ZFHX3: variants seen among roughly 807,000 people sequenced by gnomAD.
ZFHX3 encodes the protein zinc finger homeobox protein 3.
In ZFHX3, 42 loss-of-function variants were observed where a neutral mutation model predicts 279.1. The observed-to-expected ratio is 0.15, with a 90% CI of 0.12 to 0.19. ZFHX3 has a LOEUF of 0.19. Among genes scored for constraint, ZFHX3 ranks in the 10% least tolerant of loss-of-function variants. The pLI, the probability that ZFHX3 is intolerant of heterozygous loss-of-function variation, is 1.00. For synonymous variants in ZFHX3, 2,293 were observed against 1,957.8 expected (o/e 1.17, Z -4.52); for missense variants, 4,981 against 4,754.0 (o/e 1.05, Z -1.40).
intron 1 of ZFHX3, among the ~76,000 whole-genome samples, chr16:73,680,554 G>T (rs1044246924): frequency 6.6e-6 from 1 of 152,054 alleles, no homozygotes; most frequent in South Asian, 2.1e-4. Context: ...AATATTAACC[G>T]GTTACATTTT....
chr16:73,185,355 C>T (rs1490174858), intron 5 of ZFHX3, among the ~76,000 whole-genome samples: 1 of 152,158 alleles, frequency 6.6e-6, no homozygotes, highest in African/African-American at 2.4e-5. Flanking sequence ...AAATGGCAAC[C>T]TGAGGTTCAG....
chr16:72,880,854 T>G (rs1312597171), intron 4 of ZFHX3, among the ~76,000 whole-genome samples: 1 of 152,144 alleles, frequency 6.6e-6, no homozygotes, highest in Non-Finnish European at 1.5e-5. Flanking sequence ...AAACACATCT[T>G]TACAAAGTCC....
chr16:73,057,548 A>AAAG (rs1555546154), intron 1 of ZFHX3, among the ~76,000 whole-genome samples: 2 of 149,674 alleles, frequency 1.3e-5, no homozygotes, highest in African/African-American at 2.5e-5. Context: ...AAAAAAAAAA[A>AAAG]AAGAAGAAGA....
intron 5 of ZFHX3, among the ~76,000 whole-genome samples, chr16:73,228,821 A>G (rs901733661): frequency 6.6e-5 from 10 of 152,192 alleles, no homozygotes; most frequent in African/African-American, 2.4e-4. Flanking sequence ...ATTTCTCATG[A>G]CAATGGAATC....
chr16:73,371,326 T>C (rs766148779), intron 3 of ZFHX3, among the ~76,000 whole-genome samples: 1 of 151,758 alleles, frequency 6.6e-6, no homozygotes, highest in African/African-American at 2.4e-5. Flanking sequence ...GACCTCATCA[T>C]TGAATTGTAG....
chr16:73,602,931 C>CT (rs1490158083), intron 2 of ZFHX3, among the ~76,000 whole-genome samples: 1 of 68,288 alleles, frequency 1.5e-5, no homozygotes, highest in Non-Finnish European at 3.2e-5. Context: ...CAGCGAGACT[C>CT]TGACTCAAAA....
intron 5 of ZFHX3, among the ~76,000 whole-genome samples, chr16:73,220,313 A>G (rs1372129659): frequency 1.3e-5 from 2 of 152,140 alleles, no homozygotes; most frequent in African/African-American, 2.4e-5. Context: ...ACTTTCATGC[A>G]ACAAATATGC....
chr16:73,062,004 G>A (rs1196666030), upstream of ZFHX3: 8 of 152,032 alleles, frequency 5.3e-5, no homozygotes, highest in East Asian at 1.3e-3. Flanking sequence ...ATAAGGAGGA[G>A]AGGTACCAAG....
intron 3 of ZFHX3, among the ~76,000 whole-genome samples, chr16:72,939,256 A>G (rs963757580): frequency 2.0e-5 from 3 of 152,094 alleles, no homozygotes; most frequent in Non-Finnish European, 4.4e-5. Context: ...CCCCATCTCG[A>G]GGCACAGAGT....
intron 4 of ZFHX3, among the ~76,000 whole-genome samples, chr16:73,272,921 A>T (rs1001773845): frequency 6.6e-6 from 1 of 151,922 alleles, no homozygotes; most frequent in Admixed American, 6.6e-5. Context: ...TAATTTTTAA[A>T]TTTTTTGTAG....
chr16:73,304,069 T>A (rs2015123064), intron 4 of ZFHX3, among the ~76,000 whole-genome samples: 1 of 151,776 alleles, frequency 6.6e-6, no homozygotes, highest in Non-Finnish European at 1.5e-5. Context: ...TAGATGTCAC[T>A]GATTCTGGAA....
intron 4 of ZFHX3, among the ~76,000 whole-genome samples, chr16:72,865,829 C>A (rs945782547): frequency 2.6e-5 from 4 of 152,138 alleles, no homozygotes; most frequent in Non-Finnish European, 4.4e-5. Context: ...AGGCTGAGGT[C>A]ATGGTTACGC....
At chr16:73,709,521 G>A (rs1334717585) in intron 1 of ZFHX3, among the ~76,000 whole-genome samples, 2 of 152,120 alleles carry the variant, frequency 1.3e-5, no homozygotes, top group African/African-American at 4.8e-5. Context: ...AGTGAAATAA[G>A]CCAGGCACAG....
chr16:73,885,599 A>C (rs966637928), intron 1 of ZFHX3, among the ~76,000 whole-genome samples: 1 of 152,140 alleles, frequency 6.6e-6, no homozygotes, highest in African/African-American at 2.4e-5. Context: ...AGATGCTCCC[A>C]CCAAACTGTT....
chr16:72,788,160 C>T lies in ZFHX3; in HGVS notation c.10116G>A (p.Gln3372=), dbSNP rs779335872. 1 of 1,612,376 alleles carries T rather than the reference C, an allele frequency of 6.2e-7. No homozygotes were observed. Among genetic ancestry groups the T allele is most frequent in the Non-Finnish European group, 8.5e-7 (1 of 1,179,538 alleles). ...GCTGCTGCTGCTGCTGAATTGCCTC[C>T]TGCAGACTCTGCTGGTATTGCTGGT... ...QQYQQYQQSL[Q]EAIQQQQQRQ... is the part of the protein sequence containing the mutation. The change falls in exon 10 of 10, where the codon CAG becomes CAA. Residue 3372 remains glutamine, a synonymous_variant. Coordinates refer to ENST00000268489, the MANE Select transcript of ZFHX3 (RefSeq NM_006885.4).
chr16:73,392,070 G>A (rs1253969573), intron 3 of ZFHX3, among the ~76,000 whole-genome samples: 1 of 152,044 alleles, frequency 6.6e-6, no homozygotes, highest in Non-Finnish European at 1.5e-5. Flanking sequence ...AGAGAGCTGG[G>A]CCCTCATTTT....
intron 2 of ZFHX3, among the ~76,000 whole-genome samples, chr16:73,530,169 G>C (rs2019773515): frequency 6.6e-6 from 1 of 152,198 alleles, no homozygotes; most frequent in African/African-American, 2.4e-5. Flanking sequence ...TGGCAGGCAA[G>C]AGAGAGAATG....
intron 1 of ZFHX3, among the ~76,000 whole-genome samples, chr16:73,039,542 C>T (rs995275011): frequency 3.3e-5 from 5 of 152,166 alleles, no homozygotes; most frequent in Non-Finnish European, 5.9e-5. Context: ...GAAGAAGGTG[C>T]TACTGGCATC....
intron 2 of ZFHX3, among the ~76,000 whole-genome samples, chr16:73,511,478 T>C (rs540936990): frequency 6.6e-6 from 1 of 152,264 alleles, no homozygotes; most frequent in South Asian, 2.1e-4. Flanking sequence ...GAGCAGAAGG[T>C]GGACTATGAA....
Sources: gnomAD v4.1 joint callset for allele counts (sites outside exome capture counted in the v4.1 genomes callset) on GRCh38, gnomAD v4.1.1 for gene constraint, MANE v1.5 for transcripts, NCBI Gene and HGNC (gene_info 2026-07-23, HGNC 2026-07-21) for gene names.